SUSD5: variants seen among roughly 807,000 people sequenced by gnomAD.
SUSD5 encodes sushi domain containing 5, also known as sushi domain-containing protein 5.
Under a neutral mutation model 29.5 loss-of-function variants are expected in SUSD5, and 33 were observed. The observed-to-expected ratio is 1.12, with a 90% CI of 0.85 to 1.49. The LOEUF is 1.49. Among genes scored for constraint, SUSD5 ranks in the 40% most tolerant of loss-of-function variants. The pLI is 0.00. For missense variants in SUSD5, 776 were observed against 800.6 expected (o/e 0.97, Z 0.37); for synonymous variants, 308 against 325.3 (o/e 0.95, Z 0.57).
chr3:33,218,297 G>A (rs2032460535), intron 1 of SUSD5, among the ~76,000 whole-genome samples: 1 of 152,206 alleles, frequency 6.6e-6, no homozygotes, highest in African/African-American at 2.4e-5. Flanking sequence ...CATCGGCGGT[G>A]TCCTCAGGGG....
chr3:33,168,743 G>C (rs949931850), intron 4 of SUSD5: 19 of 227,728 alleles, frequency 8.3e-5, no homozygotes, highest in Admixed American at 1.3e-4. Context: ...TCCGCCTCCT[G>C]GGTTCAAGTG....
rs9847562 is a variant in SUSD5, at chr3:33,204,063, G to A, written c.409+3745C>T. On this transcript the variant is annotated intron_variant, in intron 3 of 4. Transcript: ENST00000309558. This position sits in a 1 kb window ranked among gnomAD's most constrained non-coding sequence, Gnocchi z 4.5. Reference sequence around the variant, plus strand: ...CAGAGTAGCTGGGAATACAGGGTGCGCCACCATGCCTGGCTAATTTTTTTT... The same window carrying A: ...CAGAGTAGCTGGGAATACAGGGTGCACCACCATGCCTGGCTAATTTTTTTT... Among the ~76,000 whole-genome samples the A allele has an allele frequency of 0.22, 33,524 of 151,646 alleles. 4,354 individuals are homozygous for A. The highest frequency in any genetic ancestry group is 0.44 in the East Asian group (2,250 of 5,136).
At chr3:33,214,176 C>G (rs2032381081) in intron 1 of SUSD5, 71 bp from the exon 2 acceptor site, 1 of 1,451,064 alleles carries the variant, frequency 6.9e-7, no homozygotes, top group South Asian at 1.4e-5. Flanking sequence ...CAAACATCCT[C>G]TGGCAGACGC....
chr3:33,174,620 A>G (rs1208493099), intron 4 of SUSD5, among the ~76,000 whole-genome samples: 1 of 152,226 alleles, frequency 6.6e-6, no homozygotes, highest in Admixed American at 6.5e-5. Context: ...CTCAAGGTCA[A>G]CTGTGTACTT....
chr3:33,201,655 T>C (rs2032119440), intron 3 of SUSD5, among the ~76,000 whole-genome samples: 1 of 152,126 alleles, frequency 6.6e-6, no homozygotes, highest in Non-Finnish European at 1.5e-5. Context: ...TGAGGGGGCA[T>C]CACTGCTTAC....
At chr3:33,205,137 G>T (rs2032193692) in intron 3 of SUSD5, among the ~76,000 whole-genome samples, 1 of 152,038 alleles carries the variant, frequency 6.6e-6, no homozygotes, top group Admixed American at 6.6e-5. Flanking sequence ...CTAAAAACAA[G>T]GATATTCTCT....
intron 3 of SUSD5, among the ~76,000 whole-genome samples, chr3:33,180,383 C>T (rs1362453092): frequency 6.6e-6 from 1 of 152,138 alleles, no homozygotes; most frequent in African/African-American, 2.4e-5. Context: ...TTTTTTGAGA[C>T]ATGGTCTTGC....
chr3:33,213,783 A>C, intron 2 of SUSD5, 145 bp downstream of exon 2: 1 of 943,704 alleles, frequency 1.1e-6, no homozygotes, highest in Non-Finnish European at 1.5e-6. Flanking sequence ...CAAACAAAAC[A>C]AAACAAAACA....
chr3:33,166,153 GA>G (rs1236436043), intron 4 of SUSD5, among the ~76,000 whole-genome samples: 1 of 152,100 alleles, frequency 6.6e-6, no homozygotes, highest in Non-Finnish European at 1.5e-5. Flanking sequence ...ATTCCCACTA[GA>G]AAAAATCCTC....
At chr3:33,206,655 A>C (rs1457688718) in intron 3 of SUSD5, among the ~76,000 whole-genome samples, 1 of 152,042 alleles carries the variant, frequency 6.6e-6, no homozygotes, top group Non-Finnish European at 1.5e-5. Context: ...CATGACTCTT[A>C]CTTTTACCAA....
chr3:33,153,167 C>G lies in SUSD5; in HGVS notation c.1465G>C (p.Glu489Gln). 1.2e-6 allele frequency: 2 copies of G among 1,613,794 alleles called. No individual in the cohort carries two copies. Among genetic ancestry groups the G allele is most frequent in the African/African-American group, 2.7e-5 (2 of 75,010 alleles). Residue 489 changes from glutamate to glutamine, a missense_variant, in exon 5 of 5, where the codon GAG becomes CAG. Physicochemically the swap from Glu to Gln is conservative, Grantham distance 29. Transcript: ENST00000309558. ...ATCTCCAGGGTGGAGCTGGTGAGCT[C>G]ATAGGACAGGGTGGCCATGGGAGAT... Reference protein sequence around the residue: ...EESPMATLSYELTSSTLEILT... With the variant: ...EESPMATLSYQLTSSTLEILT...
At chr3:33,198,805 A>C (rs1386171690) in intron 3 of SUSD5, among the ~76,000 whole-genome samples, 1 of 152,208 alleles carries the variant, frequency 6.6e-6, no homozygotes, top group Non-Finnish European at 1.5e-5. Context: ...AGAGGACTGG[A>C]AAATCCACAA....
chr3:33,189,433 C>T (rs939435288), intron 3 of SUSD5, among the ~76,000 whole-genome samples: 31 of 137,728 alleles, frequency 2.3e-4, no homozygotes, highest in African/African-American at 6.5e-4. Flanking sequence ...GCTGAGATCA[C>T]GCTACTGCAC....
chr3:33,171,305 C>A (rs1056406650), intron 4 of SUSD5, among the ~76,000 whole-genome samples: 3 of 152,032 alleles, frequency 2.0e-5, no homozygotes, highest in African/African-American at 7.3e-5. Context: ...CGAGATCATG[C>A]CACTGCACTC....
In SUSD5 at chr3:33,213,995, G is replaced by T; in HGVS notation, c.223C>A (p.Arg75=). ...AAGGAGCAATCCTGTACCACTCTCCGCAGCTCGTCTGCAGATGCCAGGTGA... is the reference window on the plus strand; with the variant it reads ...AAGGAGCAATCCTGTACCACTCTCCTCAGCTCGTCTGCAGATGCCAGGTGA... ...GAHLASADEL[R]RVVQDCSFAV... Residue 75 remains arginine (R), a synonymous_variant, in exon 2 of 5, where the codon CGG becomes AGG. Coordinates refer to ENST00000309558, the MANE Select transcript of SUSD5 (RefSeq NM_015551.2). 1 of 1,613,700 alleles carries T rather than the reference G, an allele frequency of 6.2e-7. No individual in the cohort carries two copies.
chr3:33,182,961 T>C (rs2031702800), intron 3 of SUSD5, among the ~76,000 whole-genome samples: 1 of 138,518 alleles, frequency 7.2e-6, no homozygotes, highest in South Asian at 2.5e-4. Context: ...TAATTTTTTG[T>C]ATTTTTTTTT....
At chr3:33,163,158 G>C (rs2031228976) in intron 4 of SUSD5, among the ~76,000 whole-genome samples, 1 of 152,016 alleles carries the variant, frequency 6.6e-6, no homozygotes, top group Admixed American at 6.6e-5. Flanking sequence ...AGACAAAAGA[G>C]AAAGAGGAAA....
chr3:33,170,969 GGT>G (rs1297800385), intron 4 of SUSD5, among the ~76,000 whole-genome samples: 1 of 152,196 alleles, frequency 6.6e-6, no homozygotes, highest in Non-Finnish European at 1.5e-5. Context: ...CTATATTATA[GGT>G]CCTATTCTAA....
In SUSD5 at chr3:33,167,805, T is replaced by C. The variant is rs369353379; in HGVS notation, c.598+7081A>G. On this transcript the variant is annotated intron_variant, in intron 4 of 4. Coordinates refer to ENST00000309558, the MANE Select transcript of SUSD5 (RefSeq NM_015551.2). This position sits in a 1 kb window ranked among gnomAD's most constrained non-coding sequence, Gnocchi z 4.1. ...ATGGAGAAGCCCAGCTCTCTGCCTG[T>C]GGAGGTACTGTATCTCTCACCTCCC... is the stretch of plus-strand genomic sequence containing the variant. Among the ~76,000 whole-genome samples, 2 of 152,208 alleles carry C rather than the reference T, an allele frequency of 1.3e-5. No homozygotes were observed. The highest frequency in any genetic ancestry group is 4.8e-5 in the African/African-American group (2 of 41,450).
Sources: gnomAD v4.1 joint callset for allele counts (sites outside exome capture counted in the v4.1 genomes callset) on GRCh38, gnomAD v4.1.1 for gene constraint, Gnocchi (gnomAD v3.1) non-coding constraint, MANE v1.5 for transcripts, NCBI Gene and HGNC (gene_info 2026-07-23, HGNC 2026-07-21) for gene names.